The following TENT2 variants were observed in gnomAD, a reference collection of about 807,000 sequenced individuals.
TENT2 encodes terminal nucleotidyltransferase 2, also known as poly(A) RNA polymerase GLD2.
TENT2 carries 44 observed loss-of-function variants against 72.2 expected under a neutral mutation model. The observed-to-expected ratio is 0.61, with a 90% CI of 0.48 to 0.78. The LOEUF is 0.78. TENT2 is among the 30% of genes least tolerant of loss of function. TENT2 has a pLI of 0.00. For missense variants in TENT2, 541 were observed against 569.6 expected (o/e 0.95, Z 0.51); for synonymous variants, 212 against 192.5 (o/e 1.10, Z -0.84).
At chr5:79,657,804 C>T (rs1006161072) in intron 11 of TENT2, among the ~76,000 whole-genome samples, 11 of 152,044 alleles carry the variant, frequency 7.2e-5, no homozygotes, top group African/African-American at 1.9e-4. Context: ...TCTGAAACCA[C>T]GTAATTTTTA....
intron 11 of TENT2, among the ~76,000 whole-genome samples, chr5:79,667,313 C>T (rs1809068126): frequency 6.6e-6 from 1 of 152,132 alleles, no homozygotes; most frequent in African/African-American, 2.4e-5. Context: ...CAGTGACCTA[C>T]TTATTTGATC....
intron 11 of TENT2, among the ~76,000 whole-genome samples, chr5:79,665,737 A>T (rs1807054805): frequency 6.6e-6 from 1 of 152,184 alleles, no homozygotes; most frequent in Admixed American, 6.5e-5. Flanking sequence ...AACAGTAAAA[A>T]TTTGTAACCC....
At chr5:79,660,283 G>T (rs1359034392) in intron 11 of TENT2, among the ~76,000 whole-genome samples, 2 of 152,050 alleles carry the variant, frequency 1.3e-5, no homozygotes, top group Non-Finnish European at 2.9e-5. Flanking sequence ...TGATGGAGGG[G>T]TACGTTATTC....
At chr5:79,677,995 A>G (rs941505469) in intron 12 of TENT2, among the ~76,000 whole-genome samples, 1 of 152,130 alleles carries the variant, frequency 6.6e-6, no homozygotes, top group Admixed American at 6.6e-5. Flanking sequence ...ATTTGAAACA[A>G]TAGAGCAGAG....
chr5:79,625,061 G>T (rs1435403519), intron 4 of TENT2, among the ~76,000 whole-genome samples: 1 of 152,154 alleles, frequency 6.6e-6, no homozygotes, highest in Non-Finnish European at 1.5e-5. Flanking sequence ...TGCAAAACTT[G>T]TTATTGTCTG....
chr5:79,643,954 C>CTCATAAG (rs1332745481), intron 7 of TENT2, among the ~76,000 whole-genome samples: 1 of 151,290 alleles, frequency 6.6e-6, no homozygotes, highest in African/African-American at 2.4e-5. Context: ...TGAATTCCTG[C>CTCATAAG]TCATAAGTTC....
At chr5:79,656,590 A>G (rs977205634) in intron 10 of TENT2, among the ~76,000 whole-genome samples, 2 of 152,008 alleles carry the variant, frequency 1.3e-5, no homozygotes, top group African/African-American at 2.4e-5. Context: ...TTTGATTGCT[A>G]CATCCATCTT....
At chr5:79,652,188 T>TA (rs1049899847) in intron 10 of TENT2, among the ~76,000 whole-genome samples, 1 of 152,012 alleles carries the variant, frequency 6.6e-6, no homozygotes, top group African/African-American at 2.4e-5. Flanking sequence ...TTTATGGTGT[T>TA]ACGTAAATAA....
Position 79,649,117 on chromosome 5 carries a change from T to C in TENT2, c.954T>C (p.His318=). 2 of 1,613,480 alleles carry C rather than the reference T, an allele frequency of 1.2e-6. No individual in the cohort carries two copies. Among genetic ancestry groups the C allele is most frequent in the Non-Finnish European group, 1.7e-6 (2 of 1,179,644 alleles). ...TGATTAAGAAGTGGGCAAGTCACCATCAGATAAATGATGCCAGTCGTGGTA... is the reference window on the plus strand; with the variant it reads ...TGATTAAGAAGTGGGCAAGTCACCACCAGATAAATGATGCCAGTCGTGGTA... ...VLVIKKWASH[H]QINDASRGTL... Residue 318 remains histidine, a synonymous_variant, in exon 10 of 15, where the codon CAT becomes CAC. Transcript: ENST00000453514.
chr5:79,659,582 AT>A, intron 11 of TENT2, among the ~76,000 whole-genome samples: 1 of 132,400 alleles, frequency 7.6e-6, no homozygotes, highest in African/African-American at 2.7e-5. Context: ...ATATATATAT[AT>A]ATATATATAT....
chr5:79,615,286 G>A (rs1758757445), intron 1 of TENT2: 2 of 152,154 alleles, frequency 1.3e-5, no homozygotes, highest in Admixed American at 6.5e-5. Flanking sequence ...TGAGGCCTGG[G>A]CTCTTGATGT....
intron 8 of TENT2, among the ~76,000 whole-genome samples, chr5:79,647,744 A>G (rs550707013): frequency 6.6e-6 from 1 of 152,208 alleles, no homozygotes; most frequent in African/African-American, 2.4e-5. Flanking sequence ...TCGCATAGGT[A>G]TGAGTAGAAC....
At chr5:79,616,748 G>T (rs969335384) in intron 1 of TENT2, among the ~76,000 whole-genome samples, 2 of 152,142 alleles carry the variant, frequency 1.3e-5, no homozygotes, top group Non-Finnish European at 2.9e-5. Flanking sequence ...AAAATCTCTT[G>T]TAAAAAGACA....
chr5:79,652,401 A>G (rs1306117794), intron 10 of TENT2, among the ~76,000 whole-genome samples: 1 of 152,044 alleles, frequency 6.6e-6, no homozygotes, highest in Admixed American at 6.6e-5. Context: ...ATATATTTGT[A>G]TATATACAAA....
At chr5:79,666,364 G>T (rs1264899702) in intron 11 of TENT2, among the ~76,000 whole-genome samples, 1 of 150,380 alleles carries the variant, frequency 6.6e-6, no homozygotes, top group Non-Finnish European at 1.5e-5. Flanking sequence ...AACTGGGGAT[G>T]TCTTTTCTTT....
At chr5:79,619,532 A>C (rs560126550) in intron 1 of TENT2, 80 bp from the exon 2 acceptor site, 555 of 1,043,928 alleles carry the variant, frequency 5.3e-4, no homozygotes, top group Non-Finnish European at 6.9e-4. Context: ...AATTGTTTTA[A>C]GTTAGTGGAT....
intron 12 of TENT2, among the ~76,000 whole-genome samples, chr5:79,674,305 T>C (rs1358065003): frequency 6.6e-6 from 1 of 152,086 alleles, no homozygotes; most frequent in Non-Finnish European, 1.5e-5. Flanking sequence ...TCGCTTGAAC[T>C]CAGGAGTTGG....
At chr5:79,682,100 G>A in intron 14 of TENT2, 39 bp downstream of exon 14, 1 of 1,469,832 alleles carries the variant, frequency 6.8e-7, no homozygotes, top group Non-Finnish European at 9.4e-7. Flanking sequence ...AACATTAGTA[G>A]ACTAGTATGC....
chr5:79,625,536 T>A (rs1768844185), intron 4 of TENT2, among the ~76,000 whole-genome samples: 1 of 152,046 alleles, frequency 6.6e-6, no homozygotes, highest in Admixed American at 6.5e-5. Flanking sequence ...TTTATTATTA[T>A]TTTTTCCCTG....
Sources: gnomAD v4.1 joint callset for allele counts (sites outside exome capture counted in the v4.1 genomes callset) on GRCh38, gnomAD v4.1.1 for gene constraint, MANE v1.5 for transcripts, NCBI Gene and HGNC (gene_info 2026-07-23, HGNC 2026-07-21) for gene names.